Variants in ETV1 observed in about 807,000 individuals in gnomAD.
ETV1 encodes ETS translocation variant 1.
Under a neutral mutation model 62.3 loss-of-function variants are expected in ETV1, and 27 were observed. The ratio of observed to expected loss-of-function variants is 0.43; its 90% CI spans 0.32 to 0.60. ETV1 has a LOEUF of 0.60. ETV1 is among the 20% of genes least tolerant of loss of function. The probability of loss-of-function intolerance (pLI) is 0.06; values close to 1 mark genes in which losing one functional copy is unlikely to be tolerated. For missense variants in ETV1, 605 were observed against 605.8 expected (o/e 1.00, Z 0.01); for synonymous variants, 222 against 199.6 (o/e 1.11, Z -0.94).
At position 13,935,787 on chromosome 7, in the gene ETV1, G is replaced by T; in HGVS notation, c.475C>A (p.Pro159Thr). The T allele has an allele frequency of 6.2e-7, 1 of 1,613,940 alleles. No homozygotes were observed. Among genetic ancestry groups the T allele is most frequent in the African/African-American group, 1.3e-5 (1 of 75,010 alleles). The stretch of plus-strand genomic sequence containing the variant: ...GCTGGGAAGGCCCGGTCAGGTTTCG[G>T]TGTATGAGTTGAGTTTGGAGATGCA... The part of the protein sequence containing the change: ...HHASPNSTHT[P>T]KPDRAFPAHL... Residue 159 changes from proline to threonine, a missense_variant, in exon 8 of 14, where the codon CCG becomes ACG. Physicochemically the swap from Pro to Thr is conservative, Grantham distance 38 (BLOSUM62 -1). Coordinates refer to ENST00000430479, the MANE Select transcript of ETV1 (RefSeq NM_004956.5).
intron 9 of ETV1, among the ~76,000 whole-genome samples, chr7:13,911,735 T>C (rs1033252768): frequency 6.6e-6 from 1 of 152,182 alleles, no homozygotes; most frequent in Non-Finnish European, 1.5e-5. Context: ...TACTGTAAAA[T>C]GTATTATCAA....
intron 9 of ETV1, 48 bp downstream of exon 9, chr7:13,931,454 G>A: frequency 1.2e-6 from 2 of 1,609,276 alleles, no homozygotes; most frequent in Admixed American, 3.3e-5. Context: ...TGTGACAAGG[G>A]AGGTGAAAAA....
intron 6 of ETV1, among the ~76,000 whole-genome samples, chr7:13,940,252 C>T (rs1355346915): frequency 6.6e-6 from 1 of 151,590 alleles, no homozygotes; most frequent in East Asian, 1.9e-4. Context: ...ATCCCAGCTA[C>T]TTGGGAGGCT....
intron 4 of ETV1, 51 bp downstream of exon 4, chr7:13,988,035 G>T (rs1167519442): frequency 1.0e-5 from 10 of 978,992 alleles, no homozygotes; most frequent in Non-Finnish European, 1.5e-5. Context: ...TTTTAGCAGG[G>T]TGGAGAGTGT....
chr7:13,942,520 A>G (rs1251327731), intron 6 of ETV1, among the ~76,000 whole-genome samples: 1 of 152,098 alleles, frequency 6.6e-6, no homozygotes, highest in Non-Finnish European at 1.5e-5. Flanking sequence ...TACTAAGCCT[A>G]GTACCCAGTA....
intron 6 of ETV1, among the ~76,000 whole-genome samples, chr7:13,976,136 C>T (rs555269906): frequency 6.6e-6 from 1 of 152,232 alleles, no homozygotes; most frequent in South Asian, 2.1e-4. Flanking sequence ...TGTATTTAGA[C>T]ATCAAACAGC....
At chr7:13,910,868 C>A (rs2128419888) in intron 10 of ETV1, among the ~76,000 whole-genome samples, 1 of 152,256 alleles carries the variant, frequency 6.6e-6, no homozygotes, top group South Asian at 2.1e-4. Flanking sequence ...AAATCGATGG[C>A]ATTTTACTCC....
chr7:13,907,840 G>T (rs1422199072), intron 11 of ETV1: 6 of 470,192 alleles, frequency 1.3e-5, no homozygotes, highest in Non-Finnish European at 2.6e-5. Flanking sequence ...TTACAGAAAG[G>T]GCAACATTTG....
In ETV1 at chr7:13,893,329, A is replaced by G. The variant is rs978821099; in HGVS notation, c.*2537T>C. 55 of 231,872 alleles carry G rather than the reference A, an allele frequency of 2.4e-4. No homozygotes were observed. Among genetic ancestry groups the G allele is most frequent in the African/African-American group, 1.0e-3 (47 of 45,400 alleles). The allele number at this position is 231,872 out of a possible 1,614,324, so 14.4% of individuals were successfully genotyped here. A position where few individuals can be genotyped will look rare whatever the true frequency, so the allele number is the denominator to read the frequency against. ...CTGAAAACAAAAACATAAAAACTCA[A>G]CCAAAAAGTGGAATCAAAACAGAAC... On this transcript the variant is annotated 3_prime_UTR_variant, in exon 14 of 14. Coordinates refer to ENST00000430479, the MANE Select transcript of ETV1 (RefSeq NM_004956.5).
intron 13 of ETV1, 118 bp from the exon 14 acceptor site, chr7:13,896,205 A>C (rs1397117755): frequency 4.3e-6 from 3 of 693,886 alleles, no homozygotes; most frequent in African/African-American, 1.8e-5. Flanking sequence ...ACTCTGGCCC[A>C]AAAAAGCAAA....
intron 8 of ETV1, among the ~76,000 whole-genome samples, chr7:13,933,364 T>G (rs1209375708): frequency 2.0e-5 from 3 of 152,094 alleles, no homozygotes; most frequent in African/African-American, 7.2e-5. Flanking sequence ...AAAGAGAAAG[T>G]GATTCAAGAA....
intron 10 of ETV1, among the ~76,000 whole-genome samples, chr7:13,910,052 T>G (rs1017509502): frequency 2.2e-4 from 33 of 152,206 alleles, no homozygotes; most frequent in African/African-American, 7.5e-4. Flanking sequence ...TCATCTAAAT[T>G]TTATTGTTCA....
At position 13,989,306 on chromosome 7, in the gene ETV1, T is replaced by C. The variant is rs1452975476; in HGVS notation, c.-126A>G. 33 of 491,096 alleles carry C rather than the reference T, an allele frequency of 6.7e-5. No homozygotes were observed. Among genetic ancestry groups the C allele is most frequent in the East Asian group, 5.9e-4 (18 of 30,366 alleles). The allele number at this position is 491,096 out of a possible 1,614,324, so 30.4% of individuals were successfully genotyped here. A position where few individuals can be genotyped will look rare whatever the true frequency, so the allele number is the denominator to read the frequency against. On this transcript the variant is annotated 5_prime_UTR_variant, in exon 2 of 14. It adds an upstream start codon to the 5' untranslated region. Transcript: ENST00000430479. ...GAGCCAACAGAGTTCACAATTTACATATTTTCGGTAGTAGCAAAAATCCGA... is the reference window on the plus strand; with the variant it reads ...GAGCCAACAGAGTTCACAATTTACACATTTTCGGTAGTAGCAAAAATCCGA...
At chr7:13,920,253 T>A (rs1363374229) in intron 9 of ETV1, among the ~76,000 whole-genome samples, 2 of 152,212 alleles carry the variant, frequency 1.3e-5, no homozygotes, top group Non-Finnish European at 2.9e-5. Context: ...ATGTTTCTGA[T>A]TTGAGAATGT....
At chr7:13,970,178 G>A (rs562044567) in intron 6 of ETV1, among the ~76,000 whole-genome samples, 3 of 151,956 alleles carry the variant, frequency 2.0e-5, no homozygotes, top group South Asian at 2.1e-4. Flanking sequence ...GGAGAATGGC[G>A]TGAACCCGGG....
intron 9 of ETV1, among the ~76,000 whole-genome samples, chr7:13,925,158 C>A (rs192759030): frequency 6.6e-6 from 1 of 152,276 alleles, no homozygotes; most frequent in African/African-American, 2.4e-5. Context: ...TTTGAAAGTT[C>A]TTCTTTCCCT....
intron 5 of ETV1, among the ~76,000 whole-genome samples, chr7:13,983,491 A>T (rs1050611202): frequency 6.6e-6 from 1 of 151,974 alleles, no homozygotes; most frequent in Non-Finnish European, 1.5e-5. Flanking sequence ...CATGGGATCA[A>T]ATAATTGCAA....
intron 6 of ETV1, among the ~76,000 whole-genome samples, chr7:13,953,554 G>A (rs1169865195): frequency 6.6e-6 from 1 of 152,082 alleles, no homozygotes; most frequent in Non-Finnish European, 1.5e-5. Context: ...TCTCAGGCCA[G>A]GATGAAGTAC....
intron 8 of ETV1, 82 bp from the exon 9 acceptor site, chr7:13,931,831 A>C: frequency 6.5e-7 from 1 of 1,532,234 alleles, no homozygotes; most frequent in Non-Finnish European, 8.9e-7. Context: ...TCCATTTCTT[A>C]GTGAACGAAC....
Sources: allele counts gnomAD v4.1 joint callset (sites outside exome capture counted in the v4.1 genomes callset), GRCh38; gene constraint gnomAD v4.1.1; transcripts MANE v1.5; gene names NCBI Gene and HGNC (gene_info 2026-07-23, HGNC 2026-07-21).